Variants in SLC18A2 observed in about 807,000 individuals in gnomAD.
The protein encoded by SLC18A2 is synaptic vesicular amine transporter.
Under a neutral mutation model 59.2 loss-of-function variants are expected in SLC18A2, and 33 were observed. The observed-to-expected ratio is 0.56, with a 90% CI of 0.42 to 0.75. SLC18A2 has a LOEUF of 0.75. Ranked by LOEUF, SLC18A2 falls within the 30% of genes least tolerant of loss-of-function variation. The probability of loss-of-function intolerance (pLI) is 0.00; values close to 1 mark genes in which losing one functional copy is unlikely to be tolerated. For missense variants in SLC18A2, 569 were observed against 668.6 expected, an observed-to-expected ratio of 0.85 and a Z score of 1.64; for synonymous variants, 228 against 253.5, an observed-to-expected ratio of 0.90 and a Z score of 0.95.
At chr10:117,266,936 GA>G (rs1241209316) in intron 11 of SLC18A2, 47 bp from the exon 12 acceptor site, 30 of 1,596,490 alleles carry the variant, frequency 1.9e-5, no homozygotes, top group African/African-American at 5.4e-5. Context: ...ATTTGGACTA[GA>G]AAAAAATCAA....
At chr10:117,270,585 T>C (rs759468286) in intron 15 of SLC18A2, 122 bp downstream of exon 15, 124 of 1,095,866 alleles carry the variant, frequency 1.1e-4, no homozygotes, top group Non-Finnish European at 1.4e-4. Flanking sequence ...CCTTTTTAGT[T>C]TGTACCACAT....
rs142611532 is a variant in SLC18A2, at chr10:117,252,618, G to A, written c.465-781G>A. On this transcript the variant is annotated intron_variant, in intron 3 of 15. Transcript: ENST00000644641. ...AGAGGACAAAGAAGAAAGAGAATGA[G>A]GGAGGAGATGACATTTCTTAGGCAC... is the stretch of plus-strand genomic sequence containing the variant. Among the ~76,000 whole-genome samples, 317 of 152,318 alleles carry A rather than the reference G, an allele frequency of 2.1e-3. 1 individual carries two copies. Among genetic ancestry groups the A allele is most frequent in the African/African-American group, 7.3e-3 (303 of 41,568 alleles).
In SLC18A2 at chr10:117,259,397, C is replaced by G. The variant is rs570837074; in HGVS notation, c.991+1505C>G. ...TGGATGTCTGTCCTAGGTCTTCAGT[C>G]TAGACTTCCTTCCCCATCACCCCAG... On this transcript the variant is annotated intron_variant, in intron 10 of 15. Coordinates refer to ENST00000644641, the MANE Select transcript of SLC18A2 (RefSeq NM_003054.6). 9.2e-5 allele frequency among the ~76,000 whole-genome samples: 14 copies of G among 152,288 alleles called. No individual in the cohort carries two copies. The South Asian group carries it at 2.7e-3, about 29-fold the overall frequency.
intron 12 of SLC18A2, 131 bp downstream of exon 12, chr10:117,267,166 AT>A (rs1844358423): frequency 1.2e-5 from 8 of 690,218 alleles, no homozygotes; most frequent in Non-Finnish European, 2.0e-5. Flanking sequence ...TTTTATTCTA[AT>A]TTTTTATCAT....
At position 117,274,644 on chromosome 10, in the gene SLC18A2, C is replaced by T. The variant is rs962996414; in HGVS notation, c.1441-2518C>T. On this transcript the variant is annotated intron_variant, in intron 15 of 15. Coordinates refer to ENST00000644641, the MANE Select transcript of SLC18A2 (RefSeq NM_003054.6). The stretch of plus-strand genomic sequence containing the variant: ...CCTCTGTGGTGGCCAGGCTGGCTTA[C>T]TTAGTGTCCTGCTTGGTAAATAACT... Among the ~76,000 whole-genome samples, 4 of 152,288 alleles carry T rather than the reference C, an allele frequency of 2.6e-5. No individual in the cohort carries two copies. In the South Asian group the frequency reaches 6.2e-4, roughly 24 times the overall value.
intron 3 of SLC18A2, among the ~76,000 whole-genome samples, chr10:117,250,466 A>G (rs1175886638): frequency 6.6e-6 from 1 of 152,194 alleles, no homozygotes; most frequent in African/African-American, 2.4e-5. Flanking sequence ...TGCATTGTTA[A>G]AATCCCAAAG....
intron 3 of SLC18A2, among the ~76,000 whole-genome samples, chr10:117,245,033 T>C (rs1021568359): frequency 6.6e-6 from 1 of 152,234 alleles, no homozygotes; most frequent in Non-Finnish European, 1.5e-5. Flanking sequence ...CCATTGTTGG[T>C]GAAGTGTTTG....
At chr10:117,275,298 A>T (rs1844473357) in intron 15 of SLC18A2, among the ~76,000 whole-genome samples, 1 of 142,582 alleles carries the variant, frequency 7.0e-6, no homozygotes, top group East Asian at 2.0e-4. Flanking sequence ...CACATGTTAC[A>T]CAGATCACTG....
chr10:117,241,989 G>T (rs900443050), intron 2 of SLC18A2, 175 bp downstream of exon 2: 9 of 546,276 alleles, frequency 1.6e-5, no homozygotes, highest in Non-Finnish European at 2.8e-5. Flanking sequence ...AGGAGGAGCC[G>T]CGTTGTGTGG....
At chr10:117,257,098 C>T (rs933216129) in intron 9 of SLC18A2, among the ~76,000 whole-genome samples, 5 of 152,238 alleles carry the variant, frequency 3.3e-5, no homozygotes, top group African/African-American at 1.2e-4. Flanking sequence ...TGTGCACCTT[C>T]ATCACGATTG....
intron 10 of SLC18A2, among the ~76,000 whole-genome samples, chr10:117,261,127 G>A (rs1405400310): frequency 9.9e-5 from 15 of 152,116 alleles, no homozygotes; most frequent in Admixed American, 9.8e-4. Context: ...GGAGGCCGAG[G>A]CAGGTGGATT....
At position 117,241,683 on chromosome 10, in the gene SLC18A2, G is replaced by GC. The variant is rs916547723; in HGVS notation, c.-7dup. On this transcript the variant is annotated 5_prime_UTR_variant, in exon 2 of 16. Transcript: ENST00000644641. ...CACCGCGCACCGCGCCCGCAGCGGA[G>GC]CCCCGGAGCCATGGCCCTGAGCGAG... 3.8e-6 allele frequency: 6 copies of GC among 1,574,674 alleles called. No homozygotes were observed. In the African/African-American group the frequency reaches 6.8e-5, roughly 18 times the overall value.
At chr10:117,254,257 C>T (rs191848396) in intron 5 of SLC18A2, 126 bp downstream of exon 5, 4 of 1,164,690 alleles carry the variant, frequency 3.4e-6, no homozygotes, top group Admixed American at 1.9e-5. Context: ...CACCCACTTT[C>T]CTCTTGGGTT....
intron 10 of SLC18A2, 89 bp from the exon 11 acceptor site, chr10:117,266,644 C>T: frequency 1.9e-6 from 2 of 1,029,506 alleles, no homozygotes; most frequent in South Asian, 1.5e-5. Context: ...TATCTGCTCT[C>T]ATCAACATTG....
Position 117,266,832 on chromosome 10 carries a change from C to T in SLC18A2, c.1070+21C>T, listed in dbSNP as rs775016909. The T allele has an allele frequency of 1.9e-6, 3 of 1,597,060 alleles. No homozygotes were observed. The South Asian group carries it at 3.3e-5, about 18-fold the overall frequency. ...GGGAGGTAAGATGATATGAAAACAA[C>T]ACTCATTCTGTTACAATAATGTAGT... On this transcript the variant is annotated intron_variant, in intron 11 of 15. Transcript: ENST00000644641.
intron 10 of SLC18A2, 59 bp from the exon 11 acceptor site, chr10:117,266,674 T>C: frequency 7.5e-7 from 1 of 1,339,296 alleles, no homozygotes; most frequent in Non-Finnish European, 1.1e-6. Context: ...CAGTTATTAC[T>C]TTTTCTAACA....
At position 117,269,452 on chromosome 10, in the gene SLC18A2, C is replaced by T. The variant is rs911548771; in HGVS notation, c.1187-619C>T. Among the ~76,000 whole-genome samples the T allele has an allele frequency of 4.6e-5, 7 of 152,134 alleles. No individual in the cohort carries two copies. Among genetic ancestry groups the T allele is most frequent in the Non-Finnish European group, 2.9e-5 (2 of 68,026 alleles). On this transcript the variant is annotated intron_variant, in intron 13 of 15. Coordinates refer to ENST00000644641, the MANE Select transcript of SLC18A2 (RefSeq NM_003054.6). The surrounding 1 kb of genome is among the most constrained non-coding windows in gnomAD (Gnocchi z 5.1). The stretch of plus-strand genomic sequence containing the variant: ...CAGACATACACCCCAGCAACAACCA[C>T]GACCAGCATTAGAATCTCGTCTCTT...
chr10:117,255,324 G>T lies in SLC18A2; in HGVS notation c.748G>T (p.Ala250Ser). The change falls in exon 7 of 16, where the codon GCT (alanine) becomes TCT (serine). Residue 250 changes from alanine to serine, a missense_variant. Physicochemically the swap from Ala to Ser is moderately conservative, Grantham distance 99 (BLOSUM62 1). Coordinates refer to ENST00000644641, the MANE Select transcript of SLC18A2 (RefSeq NM_003054.6). ...SVLYEFVGKT[A>S]PFLVLAALVL... is the part of the protein sequence containing the mutation. ...GCTCTATGAGTTTGTGGGGAAGACG[G>T]CTCCGTTCCTGGTGCTGGCCGCCCT... 2.5e-6 allele frequency: 4 copies of T among 1,614,244 alleles called. No individual in the cohort carries two copies. Among genetic ancestry groups the T allele is most frequent in the Non-Finnish European group, 3.4e-6 (4 of 1,180,040 alleles).
Position 117,278,750 on chromosome 10 carries a change from T to G in SLC18A2, c.*1484T>G, listed in dbSNP as rs1217236296. 1.3e-5 allele frequency: 2 copies of G among 152,234 alleles called. No individual in the cohort carries two copies. The highest frequency in any genetic ancestry group is 4.8e-5 in the African/African-American group (2 of 41,460). 9.4% of individuals were successfully genotyped at this position (152,234 alleles called of 1,614,324 possible). ...AAAGTAACACTTCGTTTCATGAAGC[T>G]TTTCTGTGGGGCTTCGATTATTTCA... On this transcript the variant is annotated 3_prime_UTR_variant, in exon 16 of 16. Coordinates refer to ENST00000644641, the MANE Select transcript of SLC18A2 (RefSeq NM_003054.6).
Sources: gnomAD v4.1 joint callset for allele counts (sites outside exome capture counted in the v4.1 genomes callset) on GRCh38, gnomAD v4.1.1 for gene constraint, Gnocchi (gnomAD v3.1) non-coding constraint, MANE v1.5 for transcripts, NCBI Gene and HGNC (gene_info 2026-07-23, HGNC 2026-07-21) for gene names.